TM9SF4: variants seen among roughly 807,000 people sequenced by gnomAD.
The protein encoded by TM9SF4 is dinucleotide oxidase disulfide thiol exchanger 3 superfamily member 4.
In TM9SF4, 26 loss-of-function variants were observed where a neutral mutation model predicts 90.4. The ratio of observed to expected loss-of-function variants is 0.29; its 90% CI spans 0.21 to 0.40. The LOEUF (loss-of-function observed/expected upper bound fraction) is 0.40, where lower values mean the gene tolerates loss of function less well. Ranked by LOEUF, TM9SF4 falls within the 10% of genes least tolerant of loss-of-function variation. The pLI is 1.00. For synonymous variants in TM9SF4, 293 were observed against 315.4 expected (o/e 0.93, Z 0.75); for missense variants, 549 against 834.8 (o/e 0.66, Z 4.22).
chr20:32,138,377 C>G (rs1270291717), intron 3 of TM9SF4, among the ~76,000 whole-genome samples: 1 of 152,196 alleles, frequency 6.6e-6, no homozygotes, highest in Non-Finnish European at 1.5e-5. Flanking sequence ...GCCTGTAATC[C>G]CAGCACTTTG....
In TM9SF4 at chr20:32,160,118, A is replaced by G; in HGVS notation, c.1689+7A>G. The G allele has an allele frequency of 6.2e-7, 1 of 1,614,082 alleles. No homozygotes were observed. Among genetic ancestry groups the G allele is most frequent in the Non-Finnish European group, 8.5e-7 (1 of 1,179,998 alleles). On this transcript the variant is annotated splice_region_variant and intron_variant, in intron 16 of 17. Coordinates refer to ENST00000398022, the MANE Select transcript of TM9SF4 (RefSeq NM_014742.4). ...CTTCCAGCTGTGTGCAGAGGTGAGG[A>G]GAGCAGGGCCAGGAGGCGGGGGAGG...
rs1407542672 is a variant in TM9SF4, at chr20:32,165,809, A to G, written c.*365A>G. 1 of 229,590 alleles carries G rather than the reference A, an allele frequency of 4.4e-6. No individual in the cohort carries two copies. The highest frequency in any genetic ancestry group is 8.9e-6 in the Non-Finnish European group (1 of 112,814). The allele number at this position is 229,590 out of a possible 1,614,324, so 14.2% of individuals were successfully genotyped here. A position where few individuals can be genotyped will look rare whatever the true frequency, so the allele number is the denominator to read the frequency against. On this transcript the variant is annotated 3_prime_UTR_variant, in exon 18 of 18. Transcript: ENST00000398022. ...CCAGGATGGATAAATCCACCGAGAT[A>G]AGGGTTTTGGTCACTGTCTCCACCT...
chr20:32,155,692 T>C (rs2046909294), intron 13 of TM9SF4, among the ~76,000 whole-genome samples: 1 of 152,150 alleles, frequency 6.6e-6, no homozygotes, highest in African/African-American at 2.4e-5. Flanking sequence ...TGAGGAGGAT[T>C]TTGAACTCAG....
chr20:32,163,339 C>T (rs112462896), intron 17 of TM9SF4, among the ~76,000 whole-genome samples: 31 of 145,576 alleles, frequency 2.1e-4, no homozygotes, highest in African/African-American at 7.2e-4. Context: ...GGGCTCTGTG[C>T]CCACGCCTTA....
chr20:32,126,592 C>T (rs573042840), intron 1 of TM9SF4, among the ~76,000 whole-genome samples: 1 of 152,296 alleles, frequency 6.6e-6, no homozygotes, highest in East Asian at 1.9e-4. Context: ...CTGAGAGCAT[C>T]TGGGACCTAG....
chr20:32,130,662 C>A (rs1420454757), intron 1 of TM9SF4, among the ~76,000 whole-genome samples: 1 of 152,122 alleles, frequency 6.6e-6, no homozygotes, highest in African/African-American at 2.4e-5. Context: ...GAAGAAAAAT[C>A]TATTTGTTTT....
At chr20:32,144,645 C>G (rs2046733720) in intron 6 of TM9SF4, among the ~76,000 whole-genome samples, 2 of 152,180 alleles carry the variant, frequency 1.3e-5, no homozygotes, top group Admixed American at 1.3e-4. Flanking sequence ...CATGGTGGCT[C>G]ACACCTGTGA....
intron 1 of TM9SF4, among the ~76,000 whole-genome samples, chr20:32,123,866 A>ATATATATATATATATATATTTTTTTTTTT: frequency 6.4e-5 from 6 of 93,962 alleles, no homozygotes; most frequent in Middle Eastern, 5.6e-3. Flanking sequence ...ATATATATAT[A>ATATATATATATATATATATTTTTTTTTTT]TTTTTTTTTT....
At chr20:32,127,835 G>A (rs1454730859) in intron 1 of TM9SF4, among the ~76,000 whole-genome samples, 1 of 152,188 alleles carries the variant, frequency 6.6e-6, no homozygotes, top group Non-Finnish European at 1.5e-5. Flanking sequence ...TAACTGCTTA[G>A]ACTTAATTGG....
chr20:32,146,011 G>A lies in TM9SF4; in HGVS notation c.883+588G>A, dbSNP rs571486220. ...CGAGATAAGCTCAGCAAGAAACCGG[G>A]TGGTGAGAGGGTGGTAGGCAGGGGT... is the stretch of plus-strand genomic sequence containing the variant. On this transcript the variant is annotated intron_variant, in intron 8 of 17. Transcript: ENST00000398022. 7.9e-5 allele frequency among the ~76,000 whole-genome samples: 12 copies of A among 152,336 alleles called. No homozygotes were observed. The South Asian group carries it at 2.5e-3, about 32-fold the overall frequency.
intron 1 of TM9SF4, among the ~76,000 whole-genome samples, chr20:32,131,185 G>T (rs1360224301): frequency 2.0e-5 from 3 of 152,150 alleles, no homozygotes; most frequent in African/African-American, 7.2e-5. Flanking sequence ...CTTAGCCATG[G>T]CACTGTGTTT....
At chr20:32,141,010 T>A (rs6142619) in intron 3 of TM9SF4, among the ~76,000 whole-genome samples, 1 of 151,412 alleles carries the variant, frequency 6.6e-6, no homozygotes, top group African/African-American at 2.4e-5. Flanking sequence ...GAGGTCAGGA[T>A]ATCGAGACCA....
chr20:32,116,849 C>T (rs1600773579), intron 1 of TM9SF4, among the ~76,000 whole-genome samples: 4 of 122,482 alleles, frequency 3.3e-5, no homozygotes, highest in Admixed American at 8.6e-5. Context: ...TTTTTTCCTC[C>T]TTTTTCCTTT....
chr20:32,158,070 C>T (rs762925388), intron 14 of TM9SF4, 101 bp downstream of exon 14: 19 of 1,481,498 alleles, frequency 1.3e-5, no homozygotes, highest in Non-Finnish European at 1.6e-5. Flanking sequence ...GCCGCTTCAG[C>T]CGGCTCTAAT....
At chr20:32,110,886 A>G (rs2046132709) in intron 1 of TM9SF4, among the ~76,000 whole-genome samples, 1 of 152,254 alleles carries the variant, frequency 6.6e-6, no homozygotes, top group Non-Finnish European at 1.5e-5. Flanking sequence ...GAAGTCACTT[A>G]GTCCAGAATG....
chr20:32,165,241 C>T (rs2122492131), intron 17 of TM9SF4, 54 bp from the exon 18 acceptor site: 1 of 1,605,088 alleles, frequency 6.2e-7, no homozygotes, highest in Admixed American at 1.7e-5. Context: ...CCCAGTTCGC[C>T]ATGCAGCCTG....
chr20:32,110,631 T>C (rs1484181408), intron 1 of TM9SF4, among the ~76,000 whole-genome samples: 1 of 152,160 alleles, frequency 6.6e-6, no homozygotes, highest in Non-Finnish European at 1.5e-5. Context: ...ACCTCACTGC[T>C]CTCCTTCCCA....
intron 1 of TM9SF4, among the ~76,000 whole-genome samples, chr20:32,121,843 A>C (rs1238570769): frequency 9.4e-5 from 11 of 116,422 alleles, no homozygotes; most frequent in African/African-American, 2.0e-4. Context: ...TGAACCCCCC[A>C]CCTCCCTCCC....
At position 32,152,989 on chromosome 20, in the gene TM9SF4, A is replaced by G. The variant is rs966609671; in HGVS notation, c.1245+2114A>G. On this transcript the variant is annotated intron_variant, in intron 12 of 17. Transcript: ENST00000398022. ...GATGAGGAATTCTGTGCTACACAACAGAGTCATGCAGGAACACAAAGGAAG... is the reference window on the plus strand; with the variant it reads ...GATGAGGAATTCTGTGCTACACAACGGAGTCATGCAGGAACACAAAGGAAG... 2.6e-5 allele frequency among the ~76,000 whole-genome samples: 4 copies of G among 152,190 alleles called. No individual in the cohort carries two copies. The South Asian group carries it at 8.3e-4, about 32-fold the overall frequency.
Sources: allele counts gnomAD v4.1 joint callset (sites outside exome capture counted in the v4.1 genomes callset), GRCh38; gene constraint gnomAD v4.1.1; transcripts MANE v1.5; gene names NCBI Gene and HGNC (gene_info 2026-07-23, HGNC 2026-07-21).